The following SH3BP1 variants were observed in gnomAD, a reference collection of about 807,000 sequenced individuals.
The protein encoded by SH3BP1 is SH3 domain binding protein 1.
In SH3BP1, 46 loss-of-function variants were observed where a neutral mutation model predicts 69.8. That is an observed-to-expected ratio of 0.66 (90% CI 0.52 to 0.84). SH3BP1 has a LOEUF of 0.84. Among genes scored for constraint, SH3BP1 ranks in the 40% least tolerant of loss-of-function variants. The probability of loss-of-function intolerance (pLI) is 0.00; values close to 1 mark genes in which losing one functional copy is unlikely to be tolerated. For missense variants in SH3BP1, 868 were observed against 930.9 expected (o/e 0.93, Z 0.88); for synonymous variants, 403 against 378.0 (o/e 1.07, Z -0.77).
rs9622673 is a variant in SH3BP1 at position 37,655,621 on chromosome 22, C to T, written c.2043C>T (p.Val681=). The T allele has an allele frequency of 6.5e-7, 1 of 1,531,054 alleles. No homozygotes were observed. Among genetic ancestry groups the T allele is most frequent in the East Asian group, 2.3e-5 (1 of 43,220 alleles). The allele number at this position is 1,531,054 out of a possible 1,614,324, so 94.8% of individuals were successfully genotyped here. A position where few individuals can be genotyped will look rare whatever the true frequency, so the allele number is the denominator to read the frequency against. ...GAGCCCCTGAGGCTATCAGTGGGGT[C>T]CCCACTCCCCCAGCTATCCCCCCTC... is the stretch of plus-strand genomic sequence containing the variant. The part of the protein sequence containing the change: ...EGGAPEAISG[V]PTPPAIPPQP... Residue 681 remains valine (V), a synonymous_variant, in exon 18 of 18, where the codon GTC becomes GTT. Coordinates refer to ENST00000649765, the MANE Select transcript of SH3BP1 (RefSeq NM_018957.6).
intron 10 of SH3BP1, among the ~76,000 whole-genome samples, chr22:37,646,386 G>C (rs144646766): frequency 1.2e-3 from 181 of 152,036 alleles, no homozygotes; most frequent in African/African-American, 4.0e-3. Context: ...CTCCCAAGTA[G>C]CTGGGATTAC....
intron 14 of SH3BP1, among the ~76,000 whole-genome samples, chr22:37,649,013 C>T (rs919012009): frequency 1.3e-5 from 2 of 151,994 alleles, no homozygotes; most frequent in Admixed American, 6.6e-5. Context: ...TGTGAGCTGC[C>T]GCGCCTGGCT....
At chr22:37,649,991 G>A (rs777759450) in intron 14 of SH3BP1, 161 bp from the exon 15 acceptor site, 3 of 786,616 alleles carry the variant, frequency 3.8e-6, no homozygotes, top group Non-Finnish European at 6.9e-6. Context: ...GGGACATTTG[G>A]CATGTGAGTG....
chr22:37,642,925 G>A lies in SH3BP1; in HGVS notation c.315G>A (p.Gln105=). ...GKALEMSCAI[Q]NQLARILAEF... Reference sequence around the variant, plus strand: ...CCTTGGAGATGAGCTGTGCCATCCAGAATCAGCTGGCCCGCATCCTGGCCG... The same window carrying A: ...CCTTGGAGATGAGCTGTGCCATCCAAAATCAGCTGGCCCGCATCCTGGCCG... The change falls in exon 5 of 18, where the codon CAG becomes CAA. Residue 105 remains glutamine, a synonymous_variant. Coordinates refer to ENST00000649765, the MANE Select transcript of SH3BP1 (RefSeq NM_018957.6). The A allele has an allele frequency of 6.2e-7, 1 of 1,612,762 alleles. No individual in the cohort carries two copies.
chr22:37,643,068 G>A, intron 5 of SH3BP1, 30 bp from the exon 6 acceptor site: 1 of 1,608,354 alleles, frequency 6.2e-7, no homozygotes, highest in Non-Finnish European at 8.5e-7. Context: ...TCCTCCCCCA[G>A]CACACTGACC....
rs577119692 is a variant in SH3BP1, at chr22:37,645,221, G to A, written c.779-144G>A. The stretch of plus-strand genomic sequence containing the variant: ...AGAGGCAGTGGAGGCGGGCTGATTC[G>A]AGAGATGTGACGGATGATTTCAGAT... On this transcript the variant is annotated intron_variant, in intron 9 of 17. Transcript: ENST00000649765. 294 of 1,162,250 alleles carry A rather than the reference G, an allele frequency of 2.5e-4. No individual in the cohort carries two copies. The East Asian group carries it at 6.9e-3, about 27-fold the overall frequency. The allele number at this position is 1,162,250 out of a possible 1,614,324, so 72.0% of individuals were successfully genotyped here.
intron 10 of SH3BP1, 94 bp downstream of exon 10, chr22:37,645,604 C>T: frequency 7.1e-7 from 1 of 1,412,680 alleles, no homozygotes; most frequent in South Asian, 1.3e-5. Flanking sequence ...GCCTGTAATT[C>T]CCTCATTCGA....
chr22:37,641,220 G>C, intron 2 of SH3BP1, 52 bp downstream of exon 2: 11 of 1,538,806 alleles, frequency 7.1e-6, no homozygotes, highest in Non-Finnish European at 9.7e-6. Context: ...AGGCTGTCTC[G>C]GAGCAGAGGG....
chr22:37,650,209 C>T lies in SH3BP1; in HGVS notation c.1374C>T (p.Val458=), dbSNP rs755173990. 24 of 1,613,616 alleles carry T rather than the reference C, an allele frequency of 1.5e-5. No individual in the cohort carries two copies. The highest frequency in any genetic ancestry group is 7.7e-5 in the South Asian group (7 of 91,004). ...SVSSIQVVGV[V]EALIQSADTL... ...CTTCCATCCAGGTGGTGGGCGTCGT[C>T]GAGGCGCTGATCCAGAGCGCAGACA... The change falls in exon 15 of 18, where the codon GTC becomes GTT. Residue 458 remains valine, a synonymous_variant. Coordinates refer to ENST00000649765, the MANE Select transcript of SH3BP1 (RefSeq NM_018957.6).
rs373629268 is a variant in SH3BP1 at position 37,647,101 on chromosome 22, C to G, written c.1037-166C>G. Reference sequence around the variant, plus strand: ...CCCCCCGAAAATGTTTGGCATTTTTCTGGGGACAAGATGGCTAGCCTTCAT... The same window carrying G: ...CCCCCCGAAAATGTTTGGCATTTTTGTGGGGACAAGATGGCTAGCCTTCAT... On this transcript the variant is annotated intron_variant, in intron 11 of 17. Transcript: ENST00000649765. Among the ~76,000 whole-genome samples the G allele has an allele frequency of 2.8e-3, 430 of 152,312 alleles. 3 individuals are homozygous for G. The highest frequency in any genetic ancestry group is 9.9e-3 in the African/African-American group (411 of 41,568).
At chr22:37,643,610 G>C in intron 6 of SH3BP1, 34 bp from the exon 7 acceptor site, 1 of 1,613,774 alleles carries the variant, frequency 6.2e-7, no homozygotes, top group South Asian at 1.1e-5. Context: ...ATGCAACAGG[G>C]CAGGTGACCA....
chr22:37,653,872 G>T lies in SH3BP1; in HGVS notation c.1692G>T (p.Arg564Ser). ...TAAPVEDMAR[R>S]TKRPAPARPT... Reference sequence around the variant, plus strand: ...CCCCAGTGGAGGACATGGCTCGGAGGAGTGAGTTGGCTGTGGGAGGGGAGG... The same window carrying T: ...CCCCAGTGGAGGACATGGCTCGGAGTAGTGAGTTGGCTGTGGGAGGGGAGG... Residue 564 changes from arginine to serine, a missense_variant and splice_region_variant, in exon 17 of 18, where the codon AGG becomes AGT. This residue lies in a region of SH3BP1 where 474 missense variants were observed against 462.3 expected (regional missense o/e 1.03). Transcript: ENST00000649765. The T allele has an allele frequency of 7.0e-7, 1 of 1,432,236 alleles. No individual in the cohort carries two copies. Among genetic ancestry groups the T allele is most frequent in the Non-Finnish European group, 9.5e-7 (1 of 1,048,164 alleles). 88.7% of individuals were successfully genotyped at this position (1,432,236 alleles called of 1,614,324 possible). A position where few individuals can be genotyped will look rare whatever the true frequency, so the allele number is the denominator to read the frequency against.
chr22:37,652,314 A>C (rs1932897443), intron 16 of SH3BP1, among the ~76,000 whole-genome samples: 1 of 151,936 alleles, frequency 6.6e-6, no homozygotes, highest in Non-Finnish European at 1.5e-5. Flanking sequence ...CGTCTCAAAA[A>C]AAAAAAAAAA....
chr22:37,656,096 T>C lies in SH3BP1; in HGVS notation c.*412T>C, dbSNP rs867731924. 11 of 1,250,840 alleles carry C rather than the reference T, an allele frequency of 8.8e-6. No individual in the cohort carries two copies. The highest frequency in any genetic ancestry group is 7.7e-5 in the African/African-American group (5 of 65,218). 77.5% of individuals were successfully genotyped at this position (1,250,840 alleles called of 1,614,324 possible). ...TCTGTCCTTGAAATAAAGAAGCCAA[T>C]TTTATAAAGGGGAAAACAATACATA... On this transcript the variant is annotated 3_prime_UTR_variant, in exon 18 of 18. Coordinates refer to ENST00000649765, the MANE Select transcript of SH3BP1 (RefSeq NM_018957.6).
Position 37,648,388 on chromosome 22 carries a change from C to T in SH3BP1, c.1269C>T (p.Ile423=), listed in dbSNP as rs375889154. The part of the protein sequence containing the change: ...QEVNKMTPSN[I]AIVLGPNLLW... ...TGAACAAGATGACACCCAGCAACAT[C>T]GCCATAGTCCTGGGACCCAACTTGC... Residue 423 remains isoleucine, a synonymous_variant, in exon 14 of 18, where the codon ATC becomes ATT. Transcript: ENST00000649765. 43 of 1,569,290 alleles carry T rather than the reference C, an allele frequency of 2.7e-5. No homozygotes were observed. Among genetic ancestry groups the T allele is most frequent in the Non-Finnish European group, 3.3e-5 (38 of 1,156,592 alleles).
intron 1 of SH3BP1, 98 bp from the exon 2 acceptor site, chr22:37,641,027 GT>G: frequency 1.2e-6 from 1 of 835,336 alleles, no homozygotes; most frequent in Non-Finnish European, 2.0e-6. Context: ...AAGCACTGGG[GT>G]CCAGGTGCCC....
At position 37,639,733 on chromosome 22, in the gene SH3BP1, C is replaced by A. The variant is rs1160782619; in HGVS notation, c.-55C>A. The A allele has an allele frequency of 1.6e-5, 19 of 1,170,418 alleles. No individual in the cohort carries two copies. Among genetic ancestry groups the A allele is most frequent in the Admixed American group, 2.8e-5 (1 of 36,102 alleles). 72.5% of individuals were successfully genotyped at this position (1,170,418 alleles called of 1,614,324 possible). A position where few individuals can be genotyped will look rare whatever the true frequency, so the allele number is the denominator to read the frequency against. On this transcript the variant is annotated 5_prime_UTR_variant, in exon 1 of 18. Coordinates refer to ENST00000649765, the MANE Select transcript of SH3BP1 (RefSeq NM_018957.6). ...CAGGAGAGGCAGGCTGGACCGGGGG[C>A]TCCCCGGGCCCGCGACCCCCGCCGT...
Position 37,647,435 on chromosome 22 carries a change from C to T in SH3BP1, c.1119-6C>T, listed in dbSNP as rs1234595047. 2 of 1,612,576 alleles carry T rather than the reference C, an allele frequency of 1.2e-6. No individual in the cohort carries two copies. The highest frequency in any genetic ancestry group is 2.2e-5 in the South Asian group (2 of 91,022). On this transcript the variant is annotated splice_polypyrimidine_tract_variant and splice_region_variant and intron_variant, in intron 12 of 17. Coordinates refer to ENST00000649765, the MANE Select transcript of SH3BP1 (RefSeq NM_018957.6). ...CTGGCTGACAGGTCTCTCCACTCCCCCCCAGCCTGAAGGAGCCAGGGGCCC... is the reference window on the plus strand; with the variant it reads ...CTGGCTGACAGGTCTCTCCACTCCCTCCCAGCCTGAAGGAGCCAGGGGCCC...
intron 13 of SH3BP1, among the ~76,000 whole-genome samples, chr22:37,647,886 G>A (rs1932812197): frequency 6.6e-6 from 1 of 152,174 alleles, no homozygotes. Flanking sequence ...ATGTTGGTCA[G>A]GCTGGTCTTG....
Sources: gnomAD v4.1 joint callset for allele counts (sites outside exome capture counted in the v4.1 genomes callset) on GRCh38, gnomAD v4.1.1 for gene constraint, gnomAD v4.1.1 regional missense constraint, MANE v1.5 for transcripts, NCBI Gene and HGNC (gene_info 2026-07-23, HGNC 2026-07-21) for gene names.